The following CAPS2 variants were observed in gnomAD, a reference collection of about 807,000 sequenced individuals.
CAPS2 encodes the protein calcyphosin-2.
A neutral mutation model predicts 86.5 loss-of-function variants in CAPS2; 98 were observed. The ratio of observed to expected loss-of-function variants is 1.13; its 90% CI spans 0.96 to 1.34. The LOEUF (loss-of-function observed/expected upper bound fraction) is 1.34, where lower values mean the gene tolerates loss of function less well. CAPS2 is among the 40% of genes most tolerant of loss of function. The probability of loss-of-function intolerance (pLI) is 0.00; values close to 1 mark genes in which losing one functional copy is unlikely to be tolerated. For synonymous variants in CAPS2, 210 were observed against 225.1 expected (o/e 0.93, Z 0.60); for missense variants, 729 against 686.8 (o/e 1.06, Z -0.69).
chr12:75,358,597 C>T (rs1302368494), intron 1 of CAPS2, among the ~76,000 whole-genome samples: 5 of 150,210 alleles, frequency 3.3e-5, no homozygotes, highest in Non-Finnish European at 1.5e-5. Flanking sequence ...AACATTATGC[C>T]TAATAGTAAA....
At chr12:75,313,154 A>G (rs141416513) in intron 6 of CAPS2, among the ~76,000 whole-genome samples, 3,239 of 152,282 alleles carry the variant, frequency 0.021, 42 homozygotes, top group Non-Finnish European at 0.034. Context: ...TTTCAGTAAA[A>G]ATCATCAGAA....
chr12:75,334,606 C>A (rs573280230), upstream of CAPS2: 36 of 1,482,356 alleles, frequency 2.4e-5, no homozygotes, highest in South Asian at 4.7e-4. Context: ...GCGCTGGGCT[C>A]GAGCCTGTGC....
chr12:75,364,698 A>T (rs1390115095), intron 1 of CAPS2: 1 of 152,248 alleles, frequency 6.6e-6, no homozygotes, highest in East Asian at 1.9e-4. Flanking sequence ...TATAGCAATT[A>T]GCTACACAGA....
At position 75,324,162 on chromosome 12, in the gene CAPS2, C is replaced by T. The variant is rs73364066; in HGVS notation, c.132-940G>A. Among the ~76,000 whole-genome samples, 31 of 152,252 alleles carry T rather than the reference C, an allele frequency of 2.0e-4. No individual in the cohort carries two copies. In the East Asian group the frequency reaches 4.8e-3, roughly 24 times the overall value. ...ATTATTTGACTCAGCCAAGAAATCACTCATGTCACTTTTTAAAGTAAATAA... is the reference window on the plus strand; with the variant it reads ...ATTATTTGACTCAGCCAAGAAATCATTCATGTCACTTTTTAAAGTAAATAA... On this transcript the variant is annotated intron_variant, in intron 2 of 16. Coordinates refer to ENST00000393284, the Ensembl canonical transcript of CAPS2.
At chr12:75,315,245 A>G (rs1305374673) in intron 6 of CAPS2, among the ~76,000 whole-genome samples, 1 of 152,186 alleles carries the variant, frequency 6.6e-6, no homozygotes, top group Non-Finnish European at 1.5e-5. Flanking sequence ...ACAATACCCA[A>G]TGAGCCTTAA....
chr12:75,304,223 T>A (rs76205162), intron 8 of CAPS2, among the ~76,000 whole-genome samples: 37 of 152,266 alleles, frequency 2.4e-4, no homozygotes, highest in Middle Eastern at 3.4e-3. Flanking sequence ...AGAATTACAG[T>A]AGTCTGAAAA....
At chr12:75,331,457 T>C (rs2041296185), upstream of CAPS2, among the ~76,000 whole-genome samples, 1 of 152,230 alleles carries the variant, frequency 6.6e-6, no homozygotes, top group Non-Finnish European at 1.5e-5. Context: ...ACTCTGTATT[T>C]TTCTGCTGCA....
At chr12:75,303,495 C>G (rs1000063783) in intron 8 of CAPS2, among the ~76,000 whole-genome samples, 2 of 152,064 alleles carry the variant, frequency 1.3e-5, no homozygotes, top group Non-Finnish European at 2.9e-5. Flanking sequence ...GGGGTACTGG[C>G]AATTGTCTGT....
At chr12:75,281,919 G>A (rs1194649790) in intron 16 of CAPS2, among the ~76,000 whole-genome samples, 5 of 151,924 alleles carry the variant, frequency 3.3e-5, no homozygotes, top group Non-Finnish European at 5.9e-5. Context: ...AACTATATAA[G>A]CAGATACAGT....
intron 6 of CAPS2, among the ~76,000 whole-genome samples, chr12:75,316,030 A>G (rs2039719531): frequency 1.3e-5 from 2 of 152,280 alleles, no homozygotes; most frequent in South Asian, 4.1e-4. Flanking sequence ...GGAGGGGGTG[A>G]CACCAAATAA....
At chr12:75,357,087 G>T (rs1055683277) in intron 1 of CAPS2, among the ~76,000 whole-genome samples, 1 of 152,120 alleles carries the variant, frequency 6.6e-6, no homozygotes, top group African/African-American at 2.4e-5. Context: ...TTACTCAGGA[G>T]GCTGAGGTGG....
At chr12:75,299,626 AC>A in intron 9 of CAPS2, among the ~76,000 whole-genome samples, 1 of 152,156 alleles carries the variant, frequency 6.6e-6, no homozygotes, top group Non-Finnish European at 1.5e-5. Flanking sequence ...TTTAAAGATA[AC>A]TTTTAATTAG....
At chr12:75,343,750 G>T in intron 1 of CAPS2, 2 of 1,612,668 alleles carry the variant, frequency 1.2e-6, no homozygotes, top group South Asian at 2.2e-5. Flanking sequence ...GTGCAAATTT[G>T]AACATAATGA....
chr12:75,340,889 C>T (rs2042057915), intron 1 of CAPS2, among the ~76,000 whole-genome samples: 1 of 151,954 alleles, frequency 6.6e-6, no homozygotes, highest in African/African-American at 2.4e-5. Flanking sequence ...TATCACGACA[C>T]ACCAATTAGG....
chr12:75,338,244 T>C (rs1282112760), intron 1 of CAPS2, among the ~76,000 whole-genome samples: 1 of 152,164 alleles, frequency 6.6e-6, no homozygotes, highest in Non-Finnish European at 1.5e-5. Flanking sequence ...AAGAATATTA[T>C]ATCATGGGAT....
chr12:75,305,079 C>T lies in CAPS2; in HGVS notation c.660-203G>A, dbSNP rs113419540. ...TATCTCTTTTTCCAGAAGTATTATC[C>T]AAAACGGAACTGAAATTTCGGAGGG... On this transcript the variant is annotated intron_variant, in intron 7 of 16. Transcript: ENST00000393284. The T allele has an allele frequency of 8.4e-3, 3,228 of 386,238 alleles. 81 individuals carry two copies. Among genetic ancestry groups the T allele is most frequent in the African/African-American group, 0.052 (2,432 of 47,182 alleles). 23.9% of individuals were successfully genotyped at this position (386,238 alleles called of 1,614,324 possible).
At chr12:75,314,493 AG>A in intron 6 of CAPS2, among the ~76,000 whole-genome samples, 1 of 152,260 alleles carries the variant, frequency 6.6e-6, no homozygotes, top group East Asian at 1.9e-4. Flanking sequence ...TCCTATATAA[AG>A]CTTATGTTAT....
At chr12:75,379,928 G>C (rs954242945) in intron 1 of CAPS2, among the ~76,000 whole-genome samples, 4 of 148,812 alleles carry the variant, frequency 2.7e-5, no homozygotes, top group East Asian at 4.0e-4. Flanking sequence ...AGGTTTCCTA[G>C]AACATAAGAA....
At chr12:75,345,847 G>T (rs889417796) in intron 1 of CAPS2, among the ~76,000 whole-genome samples, 22 of 152,144 alleles carry the variant, frequency 1.4e-4, no homozygotes, top group African/African-American at 5.3e-4. Context: ...AAAAAAGCTG[G>T]TTCTCAAATG....
Sources: allele counts gnomAD v4.1 joint callset (sites outside exome capture counted in the v4.1 genomes callset), GRCh38; gene constraint gnomAD v4.1.1; transcripts MANE v1.5; gene names NCBI Gene and HGNC (gene_info 2026-07-23, HGNC 2026-07-21).